TPST2: variants seen among roughly 807,000 people sequenced by gnomAD.
TPST2 encodes the protein tyrosylprotein sulfotransferase 2, also known as protein-tyrosine sulfotransferase 2.
TPST2 carries 16 observed loss-of-function variants against 27.8 expected under a neutral mutation model. The observed-to-expected ratio is 0.58, with a 90% CI of 0.39 to 0.88. The LOEUF (loss-of-function observed/expected upper bound fraction) is 0.88, where lower values mean the gene tolerates loss of function less well. Ranked by LOEUF, TPST2 falls within the 40% of genes least tolerant of loss-of-function variation. The pLI, the probability that TPST2 is intolerant of heterozygous loss-of-function variation, is 0.00. For missense variants in TPST2, 464 were observed against 543.1 expected, an observed-to-expected ratio of 0.85 and a Z score of 1.45; for synonymous variants, 229 against 231.7, an observed-to-expected ratio of 0.99 and a Z score of 0.10.
At chr22:26,539,813 TG>T (rs1569180399) in intron 3 of TPST2, among the ~76,000 whole-genome samples, 1 of 152,076 alleles carries the variant, frequency 6.6e-6, no homozygotes, top group Non-Finnish European at 1.5e-5. Flanking sequence ...AAAACAGACC[TG>T]GGTTCCAATC....
chr22:26,537,083 G>A (rs1925512276), intron 3 of TPST2, among the ~76,000 whole-genome samples: 1 of 152,106 alleles, frequency 6.6e-6, no homozygotes, highest in South Asian at 2.1e-4. Context: ...TTTTTAATGT[G>A]TATGACTAAC....
intron 1 of TPST2, among the ~76,000 whole-genome samples, chr22:26,549,953 T>C (rs1926373635): frequency 6.7e-6 from 1 of 149,870 alleles, no homozygotes; most frequent in Non-Finnish European, 1.5e-5. Context: ...GGCAGGAGAA[T>C]TGCTTGAACC....
intron 2 of TPST2, among the ~76,000 whole-genome samples, chr22:26,542,418 C>A (rs1283404261): frequency 6.6e-6 from 1 of 151,462 alleles, no homozygotes; most frequent in Non-Finnish European, 1.5e-5. Context: ...TTCAAGTGAT[C>A]CTCCCGCCTC....
At chr22:26,583,118 G>GA (rs113898345) in intron 1 of TPST2, among the ~76,000 whole-genome samples, 996 of 99,516 alleles carry the variant, frequency 0.01, 10 homozygotes, top group African/African-American at 0.026. Context: ...TCTCAAAAAG[G>GA]AAAAAAAAAA....
Position 26,544,615 on chromosome 22 carries a change from A to C in TPST2, c.-100T>G. The C allele has an allele frequency of 1.0e-6, 1 of 985,776 alleles. No homozygotes were observed. Among genetic ancestry groups the C allele is most frequent in the Non-Finnish European group, 1.2e-6 (1 of 829,980 alleles). 61.1% of individuals were successfully genotyped at this position (985,776 alleles called of 1,614,324 possible). A position where few individuals can be genotyped will look rare whatever the true frequency, so the allele number is the denominator to read the frequency against. On this transcript the variant is annotated 5_prime_UTR_variant, in exon 2 of 7. Transcript: ENST00000338754. Reference sequence around the variant, plus strand: ...CTAGGTGCACTTACCTCCCTTGGGCACTCTCATCTCTGGGCTCCAGCCCTT... The same window carrying C: ...CTAGGTGCACTTACCTCCCTTGGGCCCTCTCATCTCTGGGCTCCAGCCCTT...
intron 3 of TPST2, among the ~76,000 whole-genome samples, chr22:26,538,412 T>A (rs896485931): frequency 6.6e-6 from 1 of 152,246 alleles, no homozygotes; most frequent in African/African-American, 2.4e-5. Flanking sequence ...AGAACATGAA[T>A]GAGGGCAATG....
chr22:26,550,431 C>T (rs1926404188), intron 1 of TPST2, among the ~76,000 whole-genome samples: 1 of 152,058 alleles, frequency 6.6e-6, no homozygotes, highest in African/African-American at 2.4e-5. Context: ...TGAGACCACA[C>T]TGAATTTTGG....
At chr22:26,568,395 T>C (rs1927460940) in intron 1 of TPST2, among the ~76,000 whole-genome samples, 1 of 152,120 alleles carries the variant, frequency 6.6e-6, no homozygotes, top group South Asian at 2.1e-4. Flanking sequence ...TGGGTTGCAT[T>C]CCCAAGAGGT....
chr22:26,570,222 C>G (rs1927578569), intron 1 of TPST2, among the ~76,000 whole-genome samples: 1 of 151,942 alleles, frequency 6.6e-6, no homozygotes, highest in Admixed American at 6.6e-5. Context: ...ACACACAAGA[C>G]TCTTTGCATT....
chr22:26,541,533 GC>G lies in TPST2; in HGVS notation c.97del (p.Ala33ArgfsTer21), dbSNP rs772045914. The G allele has an allele frequency of 6.2e-7, 1 of 1,611,622 alleles. No individual in the cohort carries two copies. Among genetic ancestry groups the G allele is most frequent in the Non-Finnish European group, 8.5e-7 (1 of 1,179,154 alleles). On this transcript the variant is annotated frameshift_variant, in exon 3 of 7. Transcript: ENST00000338754. LOFTEE classifies it high-confidence loss of function. This position sits in a 1 kb window ranked among gnomAD's most constrained non-coding sequence, Gnocchi z 5.9. Reference sequence around the variant, plus strand: ...GGGGCTCCGCAGGCCCGCCAGCACCGCCCGGCACTCTAGCACCTGCTGTCCC... The same window carrying G: ...GGGGCTCCGCAGGCCCGCCAGCACCGCCGGCACTCTAGCACCTGCTGTCCC... ...QLGQQVLECR[A>X]VLAGLRSPRG...
intron 5 of TPST2, among the ~76,000 whole-genome samples, chr22:26,531,542 T>C (rs1328392995): frequency 4.6e-5 from 7 of 152,252 alleles, no homozygotes; most frequent in Non-Finnish European, 1.0e-4. Flanking sequence ...CAGTTCCCTC[T>C]GCCGGGAAGC....
At chr22:26,588,214 G>T (rs76914112) in intron 1 of TPST2, among the ~76,000 whole-genome samples, 1 of 150,178 alleles carries the variant, frequency 6.7e-6, no homozygotes, top group African/African-American at 2.4e-5. Context: ...AAAAAAAAAG[G>T]AATGAAGTAC....
At chr22:26,551,883 CTT>C (rs1163793644) in intron 1 of TPST2, among the ~76,000 whole-genome samples, 8,412 of 65,512 alleles carry the variant, frequency 0.13, 175 homozygotes, top group African/African-American at 0.2. Context: ...TTTTCTTTTT[CTT>C]TTTTTTTTTT....
intron 1 of TPST2, among the ~76,000 whole-genome samples, chr22:26,576,822 C>A (rs567023536): frequency 2.0e-5 from 3 of 151,598 alleles, no homozygotes; most frequent in African/African-American, 7.3e-5. Flanking sequence ...AAAGGCCGGG[C>A]GCGGTGGCTC....
rs1020775818 is a variant in TPST2, at chr22:26,523,005, G to A, written c.*3270C>T. On this transcript the variant is annotated 3_prime_UTR_variant, in exon 7 of 7. Transcript: ENST00000338754. ...GAGCCCAGGAGTTAGAGGTTGCAGTGAGCTGTGTTTGCAGGAGTTAGAGGT... is the reference window on the plus strand; with the variant it reads ...GAGCCCAGGAGTTAGAGGTTGCAGTAAGCTGTGTTTGCAGGAGTTAGAGGT... 1 of 151,880 alleles carries A rather than the reference G, an allele frequency of 6.6e-6. No individual in the cohort carries two copies. The highest frequency in any genetic ancestry group is 6.6e-5 in the Admixed American group (1 of 15,218). The allele number at this position is 151,880 out of a possible 1,614,324, so 9.4% of individuals were successfully genotyped here.
At position 26,522,459 on chromosome 22, in the gene TPST2, A is replaced by G. The variant is rs975318447; in HGVS notation, c.*3816T>C. 2.0e-5 allele frequency: 3 copies of G among 152,244 alleles called. No individual in the cohort carries two copies. The highest frequency in any genetic ancestry group is 4.4e-5 in the Non-Finnish European group (3 of 68,058). The allele number at this position is 152,244 out of a possible 1,614,324, so 9.4% of individuals were successfully genotyped here. On this transcript the variant is annotated 3_prime_UTR_variant, in exon 7 of 7. Transcript: ENST00000338754. Reference sequence around the variant, plus strand: ...GACCCACTGATCCATGGAACCCCCAAGAAAGGCTCTAGAACAAAGCTCTGA... The same window carrying G: ...GACCCACTGATCCATGGAACCCCCAGGAAAGGCTCTAGAACAAAGCTCTGA...
At position 26,570,062 on chromosome 22, in the gene TPST2, AGAAG is replaced by A. The variant is rs1569193988; in HGVS notation, c.-161+19987_-161+19990del. Among the ~76,000 whole-genome samples the A allele has an allele frequency of 2.6e-4, 39 of 149,016 alleles. No homozygotes were observed. In the East Asian group the frequency reaches 6.5e-3, roughly 25 times the overall value. ...AAGAAAGACAGAAAGAAAGAAAGAAAGAAGGAAAGAAAGAAAGAAAGAAAAGAAA... is the reference window on the plus strand; with the variant it reads ...AAGAAAGACAGAAAGAAAGAAAGAAAGAAAGAAAGAAAGAAAGAAAAGAAA... On this transcript the variant is annotated intron_variant, in intron 1 of 6. Transcript: ENST00000338754.
chr22:26,531,176 A>G (rs1368821897), intron 5 of TPST2, among the ~76,000 whole-genome samples: 5 of 152,324 alleles, frequency 3.3e-5, no homozygotes, highest in East Asian at 1.9e-4. Flanking sequence ...TGCCCTGCAG[A>G]TAAGTTTTGT....
chr22:26,560,080 C>A (rs149562114), intron 1 of TPST2, among the ~76,000 whole-genome samples: 189 of 152,326 alleles, frequency 1.2e-3, no homozygotes, highest in African/African-American at 4.0e-3. Flanking sequence ...GCAGAGCCAG[C>A]AGTGGCCTCG....
Sources: allele counts gnomAD v4.1 joint callset (sites outside exome capture counted in the v4.1 genomes callset), GRCh38; gene constraint gnomAD v4.1.1; non-coding constraint Gnocchi (gnomAD v3.1); transcripts MANE v1.5; gene names NCBI Gene and HGNC (gene_info 2026-07-23, HGNC 2026-07-21).